Variants in ATP13A3 observed in about 807,000 individuals in gnomAD.
ATP13A3 encodes ATPase 13A3.
Under a neutral mutation model 158.1 loss-of-function variants are expected in ATP13A3, and 59 were observed. That is an observed-to-expected ratio of 0.37 (90% CI 0.30 to 0.46). ATP13A3 has a LOEUF of 0.46. ATP13A3 is among the 20% of genes least tolerant of loss of function. The pLI, the probability that ATP13A3 is intolerant of heterozygous loss-of-function variation, is 1.00. For missense variants in ATP13A3, 1,166 were observed against 1,525.2 expected, an observed-to-expected ratio of 0.76 and a Z score of 3.92; for synonymous variants, 491 against 504.3, an observed-to-expected ratio of 0.97 and a Z score of 0.35.
chr3:194,409,412 C>T (rs918710579), intron 33 of ATP13A3, among the ~76,000 whole-genome samples: 2 of 152,010 alleles, frequency 1.3e-5, no homozygotes, highest in African/African-American at 4.8e-5. Flanking sequence ...GATTTTTCAC[C>T]AAGGAAGAAA....
intron 1 of ATP13A3, among the ~76,000 whole-genome samples, chr3:194,486,261 A>C (rs934206330): frequency 6.6e-6 from 1 of 151,808 alleles, no homozygotes; most frequent in African/African-American, 2.4e-5. Context: ...CAGCACCCCT[A>C]CGCCTCTGCC....
chr3:194,466,244 G>A (rs543408502), intron 2 of ATP13A3, among the ~76,000 whole-genome samples: 2 of 151,964 alleles, frequency 1.3e-5, no homozygotes, highest in Admixed American at 1.3e-4. Flanking sequence ...ATAAAATTCA[G>A]AGAAAAAAAT....
At chr3:194,474,675 G>T (rs1720448646) in intron 2 of ATP13A3, among the ~76,000 whole-genome samples, 1 of 152,168 alleles carries the variant, frequency 6.6e-6, no homozygotes, top group South Asian at 2.1e-4. Context: ...AAACTGTAAT[G>T]CTATTAATAA....
At chr3:194,492,082 CCACA>C (rs2109097567) in intron 2 of ATP13A3, among the ~76,000 whole-genome samples, 1 of 152,204 alleles carries the variant, frequency 6.6e-6, no homozygotes, top group East Asian at 1.9e-4. Context: ...CTTCTTGGGT[CCACA>C]AAGTCCAGTG....
At position 194,404,027 on chromosome 3, in the gene ATP13A3, G is replaced by T; in HGVS notation, c.*1892C>A. The T allele has an allele frequency of 2.5e-6, 1 of 406,934 alleles. No individual in the cohort carries two copies. The highest frequency in any genetic ancestry group is 1.8e-5 in the South Asian group (1 of 56,670). 25.2% of individuals were successfully genotyped at this position (406,934 alleles called of 1,614,324 possible). ...TACTTAGCAATTACTTTCATTATAT[G>T]CTTCAGTACTTAAACCAAAGAATAA... On this transcript the variant is annotated 3_prime_UTR_variant, in exon 34 of 34. Coordinates refer to ENST00000645319, the MANE Select transcript of ATP13A3 (RefSeq NM_001367549.1).
rs1414524830 is a variant in ATP13A3 at position 194,447,232 on chromosome 3, ATG to A, written c.1309-119_1309-118del. ...TCAATTGTATATTTCAATTTTATGT[ATG>A]TGTGTGTATATACATATCTATTAAC... On this transcript the variant is annotated intron_variant, in intron 13 of 33. Transcript: ENST00000645319. 1.2e-5 allele frequency: 10 copies of A among 822,950 alleles called. No individual in the cohort carries two copies. In the Admixed American group the frequency reaches 1.9e-4, roughly 15 times the overall value. The allele number at this position is 822,950 out of a possible 1,614,324, so 51.0% of individuals were successfully genotyped here. A position where few individuals can be genotyped will look rare whatever the true frequency, so the allele number is the denominator to read the frequency against.
intron 20 of ATP13A3, among the ~76,000 whole-genome samples, chr3:194,436,826 G>C (rs1301420075): frequency 2.0e-5 from 3 of 152,216 alleles, no homozygotes; most frequent in African/African-American, 7.2e-5. Context: ...TTGAACCGGG[G>C]AGGCGGAGGT....
chr3:194,419,991 AC>A, intron 30 of ATP13A3, 24 bp from the exon 31 acceptor site: 1 of 1,503,844 alleles, frequency 6.6e-7, no homozygotes. Flanking sequence ...CAAAAGTAAA[AC>A]AAGTAAATTA....
chr3:194,477,884 C>T (rs1412139998), intron 2 of ATP13A3, among the ~76,000 whole-genome samples: 1 of 152,158 alleles, frequency 6.6e-6, no homozygotes, highest in Admixed American at 6.5e-5. Context: ...ATCATCCATT[C>T]TTCTTGGGTT....
chr3:194,447,958 G>A lies in ATP13A3; in HGVS notation c.1202C>T (p.Pro401Leu). The stretch of plus-strand genomic sequence containing the variant: ...ATCTCTGTAGAGTTTAAAATCAGTT[G>A]GTTTGGGATACAATATGGAACGAAC... ...QLVRSILYPK[P>L]TDFKLYRDAY... The change falls in exon 13 of 34, where the codon CCA (proline) becomes CTA (leucine). Residue 401 changes from proline (P) to leucine (L), a missense_variant. By Grantham distance (98) the Pro-to-Leu change is moderately conservative. Around this residue, in one of 3 missense-constraint regions of ATP13A3, gnomAD observed 997 missense variants for 1,341.2 expected, o/e 0.74. Transcript: ENST00000645319. 1 of 1,610,638 alleles carries A rather than the reference G, an allele frequency of 6.2e-7. No individual in the cohort carries two copies. Among genetic ancestry groups the A allele is most frequent in the African/African-American group, 1.3e-5 (1 of 74,852 alleles).
rs909459415 is a variant in ATP13A3 at position 194,403,151 on chromosome 3, A to G, written c.*2768T>C. On this transcript the variant is annotated 3_prime_UTR_variant, in exon 34 of 34. Transcript: ENST00000645319. ...TAGCTGTTTCTGTAACAGACTACAT[A>G]AACATTGATATATTATTTACCATGC... 3 of 152,222 alleles carry G rather than the reference A, an allele frequency of 2.0e-5. No individual in the cohort carries two copies. Among genetic ancestry groups the G allele is most frequent in the Admixed American group, 1.3e-4 (2 of 15,292 alleles). The allele number at this position is 152,222 out of a possible 1,614,324, so 9.4% of individuals were successfully genotyped here.
intron 2 of ATP13A3, among the ~76,000 whole-genome samples, chr3:194,492,448 T>C (rs934719579): frequency 1.3e-5 from 2 of 151,070 alleles, no homozygotes; most frequent in Non-Finnish European, 2.9e-5. Flanking sequence ...CCTATATACA[T>C]CCTCCTGTGT....
intron 14 of ATP13A3, among the ~76,000 whole-genome samples, chr3:194,446,527 A>G (rs926797419): frequency 6.6e-6 from 1 of 151,980 alleles, no homozygotes; most frequent in African/African-American, 2.4e-5. Context: ...GTAAATAATT[A>G]CCTTACTTGT....
intron 31 of ATP13A3, 98 bp from the exon 32 acceptor site, chr3:194,413,937 A>G (rs1213259145): frequency 1.0e-6 from 1 of 982,432 alleles, no homozygotes; most frequent in East Asian, 2.4e-5. Context: ...CCTATGATGT[A>G]CCAAACACCT....
rs1250361401 is a variant in ATP13A3 at position 194,448,450 on chromosome 3, T to C, written c.1150+7A>G. ...TGCAAAAAGAGATTAATTAAGATGT[T>C]TCCTACCTGTTCTAACAACTATGGC... On this transcript the variant is annotated splice_region_variant and intron_variant, in intron 12 of 33. Coordinates refer to ENST00000645319, the MANE Select transcript of ATP13A3 (RefSeq NM_001367549.1). This position sits in a 1 kb window ranked among gnomAD's most constrained non-coding sequence, Gnocchi z 4.0. 6.2e-7 allele frequency: 1 copy of C among 1,611,434 alleles called. No individual in the cohort carries two copies. Among genetic ancestry groups the C allele is most frequent in the South Asian group, 1.1e-5 (1 of 90,978 alleles).
At chr3:194,446,867 G>A (rs970940620) in intron 14 of ATP13A3, 60 bp downstream of exon 14, 1 of 1,398,720 alleles carries the variant, frequency 7.1e-7, no homozygotes, top group South Asian at 1.4e-5. Context: ...AAAAAACATT[G>A]ATCTAAATAT....
rs187883921 is a variant in ATP13A3 at position 194,418,449 on chromosome 3, A to T, written c.3402+1430T>A. ...TTAAGAACTCTGAAAACTAAGTTTT[A>T]AAAAAAAGACAACATCCTAAAAATT... On this transcript the variant is annotated intron_variant, in intron 31 of 33. Transcript: ENST00000645319. 9.2e-5 allele frequency among the ~76,000 whole-genome samples: 14 copies of T among 152,162 alleles called. No homozygotes were observed. In the East Asian group the frequency reaches 2.7e-3, roughly 29 times the overall value.
chr3:194,439,597 C>T (rs754563087), intron 16 of ATP13A3, among the ~76,000 whole-genome samples: 14 of 152,170 alleles, frequency 9.2e-5, no homozygotes, highest in Non-Finnish European at 1.8e-4. Context: ...GAAAAATTAG[C>T]CAATTTTGTA....
chr3:194,403,301 C>T lies in ATP13A3; in HGVS notation c.*2618G>A, dbSNP rs1352419321. On this transcript the variant is annotated 3_prime_UTR_variant, in exon 34 of 34. Coordinates refer to ENST00000645319, the MANE Select transcript of ATP13A3 (RefSeq NM_001367549.1). The stretch of plus-strand genomic sequence containing the variant: ...TTCGAATTTCAGGATTATAAAACTA[C>T]TATAAAAGTATTTATTCTGTTGTTG... 2 of 152,216 alleles carry T rather than the reference C, an allele frequency of 1.3e-5. No homozygotes were observed. The highest frequency in any genetic ancestry group is 4.8e-5 in the African/African-American group (2 of 41,458). 9.4% of individuals were successfully genotyped at this position (152,216 alleles called of 1,614,324 possible). A position where few individuals can be genotyped will look rare whatever the true frequency, so the allele number is the denominator to read the frequency against.
Sources: gnomAD v4.1 joint callset for allele counts (sites outside exome capture counted in the v4.1 genomes callset) on GRCh38, gnomAD v4.1.1 for gene constraint, gnomAD v4.1.1 regional missense constraint, Gnocchi (gnomAD v3.1) non-coding constraint, MANE v1.5 for transcripts, NCBI Gene and HGNC (gene_info 2026-07-23, HGNC 2026-07-21) for gene names.